The following MGAT4C variants were observed in gnomAD, a reference collection of about 807,000 sequenced individuals.
MGAT4C encodes the protein MGAT4 family member C, also known as alpha-1,3-mannosyl-glycoprotein 4-beta-N-acetylglucosaminyltransferase C.
Under a neutral mutation model 40.1 loss-of-function variants are expected in MGAT4C, and 19 were observed. The observed-to-expected ratio is 0.47, with a 90% CI of 0.33 to 0.70. MGAT4C has a LOEUF of 0.70. Ranked by LOEUF, MGAT4C falls within the 30% of genes least tolerant of loss-of-function variation. MGAT4C has a pLI of 0.02. For missense variants in MGAT4C, 491 were observed against 563.2 expected, an observed-to-expected ratio of 0.87 and a Z score of 1.30; for synonymous variants, 181 against 187.1, an observed-to-expected ratio of 0.97 and a Z score of 0.27.
intron 2 of MGAT4C, among the ~76,000 whole-genome samples, chr12:86,012,476 C>T (rs557822092): frequency 6.6e-6 from 1 of 152,164 alleles, no homozygotes; most frequent in Admixed American, 6.5e-5. Flanking sequence ...CGCAGTGGCT[C>T]AAGCCTGTAA....
intron 1 of MGAT4C, among the ~76,000 whole-genome samples, chr12:86,069,411 T>C (rs910861474): frequency 6.6e-6 from 1 of 152,142 alleles, no homozygotes; most frequent in African/African-American, 2.4e-5. Flanking sequence ...AAGCTAACAG[T>C]AAATTAAAAT....
At chr12:86,779,379 G>C (rs942543433) in intron 1 of MGAT4C, among the ~76,000 whole-genome samples, 3 of 151,976 alleles carry the variant, frequency 2.0e-5, no homozygotes, top group Non-Finnish European at 4.4e-5. Flanking sequence ...AGGATCACTT[G>C]AGCCCAGGAG....
chr12:86,097,966 C>A (rs1874252296), intron 1 of MGAT4C, among the ~76,000 whole-genome samples: 1 of 151,524 alleles, frequency 6.6e-6, no homozygotes, highest in Non-Finnish European at 1.5e-5. Context: ...AGGGTAGCAA[C>A]CTGTCATTTG....
intron 2 of MGAT4C, among the ~76,000 whole-genome samples, chr12:86,546,091 T>G (rs903659006): frequency 6.6e-6 from 1 of 151,960 alleles, no homozygotes; most frequent in African/African-American, 2.4e-5. Context: ...TGGTCATAGT[T>G]CTCTTTCGAT....
chr12:86,754,831 T>C (rs190016414), intron 1 of MGAT4C, among the ~76,000 whole-genome samples: 31 of 152,268 alleles, frequency 2.0e-4, no homozygotes, highest in Middle Eastern at 3.4e-3. Flanking sequence ...TGTCAATATT[T>C]TCCTCTGTTA....
At chr12:86,215,020 T>C (rs1950615417) in intron 1 of MGAT4C, among the ~76,000 whole-genome samples, 1 of 152,182 alleles carries the variant, frequency 6.6e-6, no homozygotes, top group Admixed American at 6.5e-5. Context: ...CAGGGTCTTC[T>C]TGACTTATCT....
At chr12:86,835,945 A>G (rs1209037461) in intron 1 of MGAT4C, among the ~76,000 whole-genome samples, 1 of 151,978 alleles carries the variant, frequency 6.6e-6, no homozygotes, top group Admixed American at 6.6e-5. Context: ...ATGTGAGAAA[A>G]TATATGCAAA....
intron 1 of MGAT4C, among the ~76,000 whole-genome samples, chr12:86,112,756 G>A (rs1427151424): frequency 1.3e-5 from 2 of 151,742 alleles, no homozygotes; most frequent in African/African-American, 4.8e-5. Flanking sequence ...GAAATAGTTA[G>A]GAGGAAACAG....
chr12:86,816,527 A>G (rs536908186), intron 1 of MGAT4C, among the ~76,000 whole-genome samples: 1 of 151,888 alleles, frequency 6.6e-6, no homozygotes, highest in South Asian at 2.1e-4. Flanking sequence ...ACAAGCTTTA[A>G]TATGAAGGTT....
At chr12:86,831,643 A>G (rs988358356) in intron 1 of MGAT4C, among the ~76,000 whole-genome samples, 2 of 151,870 alleles carry the variant, frequency 1.3e-5, no homozygotes, top group African/African-American at 2.4e-5. Flanking sequence ...CAGGTGTCCA[A>G]ATAAAAATAG....
intron 4 of MGAT4C, among the ~76,000 whole-genome samples, chr12:86,301,170 T>C (rs1170153097): frequency 3.9e-5 from 6 of 152,186 alleles, no homozygotes; most frequent in Admixed American, 3.3e-4. Flanking sequence ...GTGTGACATA[T>C]AGACCATCTC....
At chr12:86,127,528 T>C (rs1470743658) in intron 1 of MGAT4C, among the ~76,000 whole-genome samples, 1 of 152,164 alleles carries the variant, frequency 6.6e-6, no homozygotes, top group Non-Finnish European at 1.5e-5. Flanking sequence ...CTTTCTTCAA[T>C]AATAGATAAT....
chr12:86,603,530 T>TA (rs1961891925), intron 2 of MGAT4C, among the ~76,000 whole-genome samples: 1 of 21,992 alleles, frequency 4.5e-5, no homozygotes, highest in Non-Finnish European at 1.4e-4. Flanking sequence ...ATAGACTATA[T>TA]ATAGTCTATA....
At chr12:86,530,910 A>G (rs1958970816) in intron 2 of MGAT4C, among the ~76,000 whole-genome samples, 1 of 152,098 alleles carries the variant, frequency 6.6e-6, no homozygotes, top group Non-Finnish European at 1.5e-5. Context: ...TTATATACAT[A>G]TATCTTACAT....
At chr12:86,701,305 C>T (rs1322134995) in intron 2 of MGAT4C, among the ~76,000 whole-genome samples, 2 of 151,932 alleles carry the variant, frequency 1.3e-5, no homozygotes, top group Admixed American at 6.6e-5. Flanking sequence ...GTTTTTCCAA[C>T]AGCATGTGCT....
At chr12:86,398,605 G>C (rs1304491586) in intron 3 of MGAT4C, among the ~76,000 whole-genome samples, 1 of 151,676 alleles carries the variant, frequency 6.6e-6, no homozygotes, top group Non-Finnish European at 1.5e-5. Context: ...ATAGTCTTTT[G>C]TTATGATGAT....
At chr12:86,271,576 T>C (rs192441191) in intron 4 of MGAT4C, among the ~76,000 whole-genome samples, 1 of 152,080 alleles carries the variant, frequency 6.6e-6, no homozygotes, top group Admixed American at 6.5e-5. Flanking sequence ...GTGCAAACTA[T>C]TAAAACAGTA....
intron 1 of MGAT4C, among the ~76,000 whole-genome samples, chr12:86,178,400 G>A (rs117106104): frequency 0.012 from 1,887 of 152,272 alleles, 14 homozygotes; most frequent in Middle Eastern, 0.027. Flanking sequence ...TTCCTTGACC[G>A]AGGGCATGGA....
At chr12:86,177,756 T>A (rs193128031) in intron 1 of MGAT4C, among the ~76,000 whole-genome samples, 60 of 152,238 alleles carry the variant, frequency 3.9e-4, no homozygotes, top group African/African-American at 1.3e-3. Context: ...TTCGATTATA[T>A]CCCTTTCTAC....
Sources: allele counts gnomAD v4.1 joint callset (sites outside exome capture counted in the v4.1 genomes callset), GRCh38; gene constraint gnomAD v4.1.1; transcripts MANE v1.5; gene names NCBI Gene and HGNC (gene_info 2026-07-23, HGNC 2026-07-21).